JPH2: variants seen among roughly 807,000 people sequenced by gnomAD.
The protein encoded by JPH2 is junctophilin 2, also known as junctophilin-2.
Under a neutral mutation model 55.9 loss-of-function variants are expected in JPH2, and 38 were observed. The ratio of observed to expected loss-of-function variants is 0.68; its 90% CI spans 0.52 to 0.89. The LOEUF (loss-of-function observed/expected upper bound fraction) is 0.89, where lower values mean the gene tolerates loss of function less well. JPH2 is among the 40% of genes least tolerant of loss of function. The pLI, the probability that JPH2 is intolerant of heterozygous loss-of-function variation, is 0.00. For missense variants in JPH2, 964 were observed against 1,037.6 expected, an observed-to-expected ratio of 0.93 and a Z score of 0.97; for synonymous variants, 480 against 472.4, an observed-to-expected ratio of 1.02 and a Z score of -0.21.
intron 2 of JPH2, among the ~76,000 whole-genome samples, chr20:44,134,902 ATATATAT>A (rs1370814642): frequency 2.6e-3 from 199 of 76,058 alleles, no homozygotes; most frequent in Non-Finnish European, 3.8e-3. Context: ...ATATATTTAT[ATATATAT>A]ATAAAATATA....
In JPH2 at chr20:44,114,523, G is replaced by A. The variant is rs565720270; in HGVS notation, c.*14+259C>T. ...TGAATGAAGCCCTCAGTGCTCACCT[G>A]ACAGAGAGCAGGTGCTCTGCAAACA... On this transcript the variant is annotated intron_variant, in intron 5 of 5. Coordinates refer to ENST00000372980, the MANE Select transcript of JPH2 (RefSeq NM_020433.5). 3.2e-3 allele frequency among the ~76,000 whole-genome samples: 486 copies of A among 152,042 alleles called. 4 individuals are homozygous for A. Among genetic ancestry groups the A allele is most frequent in the Non-Finnish European group, 4.0e-3 (271 of 67,986 alleles).
intron 2 of JPH2, among the ~76,000 whole-genome samples, chr20:44,122,849 C>T (rs561605689): frequency 6.6e-6 from 1 of 152,200 alleles, no homozygotes; most frequent in African/African-American, 2.4e-5. Flanking sequence ...ATGTGTGAGA[C>T]AAAGTTCTAA....
chr20:44,170,207 C>T (rs1402185868), intron 1 of JPH2, among the ~76,000 whole-genome samples: 1 of 152,154 alleles, frequency 6.6e-6, no homozygotes, highest in Non-Finnish European at 1.5e-5. Flanking sequence ...CTTTCTCAGC[C>T]TTGTCTTCCC....
chr20:44,122,054 T>G (rs906019497), intron 2 of JPH2, among the ~76,000 whole-genome samples: 16 of 152,082 alleles, frequency 1.1e-4, no homozygotes, highest in Non-Finnish European at 1.5e-5. Context: ...AGAGTAAGGA[T>G]TCAAACCAAA....
At chr20:44,157,692 G>A (rs1040802148) in intron 2 of JPH2, among the ~76,000 whole-genome samples, 11 of 152,158 alleles carry the variant, frequency 7.2e-5, no homozygotes, top group East Asian at 1.9e-4. Context: ...AAGAAATGGC[G>A]GTGCCACAGA....
In JPH2 at chr20:44,160,119, C is replaced by G. The variant is rs762794427; in HGVS notation, c.668G>C (p.Arg223Pro). ...CCGCAGCTTGCCCAGCAGCGCGCCC[C>G]GCTGGAAGAGGCCGCCGCCCTTGGG... ...RAPKGGGLFQRGALLGKLRRA... is the reference protein window; with the variant it reads ...RAPKGGGLFQPGALLGKLRRA... Residue 223 changes from arginine to proline, a missense_variant, in exon 2 of 6, where the codon CGG (arginine) becomes CCG (proline). Arg to Pro is a moderately radical substitution (Grantham distance 103). Transcript: ENST00000372980. The surrounding 1 kb of genome is among the most constrained non-coding windows in gnomAD (Gnocchi z 4.9). 5.3e-6 allele frequency: 8 copies of G among 1,508,916 alleles called. No homozygotes were observed. The South Asian group carries it at 8.6e-5, about 16-fold the overall frequency. 93.5% of individuals were successfully genotyped at this position (1,508,916 alleles called of 1,614,324 possible).
intron 2 of JPH2, among the ~76,000 whole-genome samples, chr20:44,130,068 C>G (rs983205632): frequency 1.4e-4 from 2 of 14,366 alleles, no homozygotes; most frequent in Non-Finnish European, 3.1e-4. Context: ...ACTGCAGCAA[C>G]AAAACAAAAC....
chr20:44,175,760 G>A (rs969908259), intron 1 of JPH2, among the ~76,000 whole-genome samples: 2 of 152,232 alleles, frequency 1.3e-5, no homozygotes, highest in Non-Finnish European at 2.9e-5. Flanking sequence ...TGACAGCCCT[G>A]GAGCCTGTGG....
chr20:44,166,776 C>T (rs1025767666), intron 1 of JPH2, among the ~76,000 whole-genome samples: 2 of 152,156 alleles, frequency 1.3e-5, no homozygotes, highest in South Asian at 2.1e-4. Flanking sequence ...AGAGGGAGGC[C>T]GCTGCCCATG....
intron 2 of JPH2, among the ~76,000 whole-genome samples, chr20:44,136,037 T>C (rs549577224): frequency 1.8e-4 from 28 of 152,326 alleles, no homozygotes; most frequent in African/African-American, 6.7e-4. Flanking sequence ...ACCAGTACTC[T>C]GAGCATTTCA....
At chr20:44,177,092 C>A in intron 1 of JPH2, 1 of 985,496 alleles carries the variant, frequency 1.0e-6, no homozygotes, top group Non-Finnish European at 1.2e-6. Flanking sequence ...CCAGGCAACT[C>A]TCATCAGTTC....
rs1377793632 is a variant in JPH2, at chr20:44,160,158, G to T, written c.629C>A (p.Ala210Glu). 3.2e-5 allele frequency: 45 copies of T among 1,424,976 alleles called. No individual in the cohort carries two copies. Among genetic ancestry groups the T allele is most frequent in the Non-Finnish European group, 4.0e-5 (44 of 1,098,964 alleles). 88.3% of individuals were successfully genotyped at this position (1,424,976 alleles called of 1,614,324 possible). The change falls in exon 2 of 6, where the codon GCG becomes GAG. Residue 210 changes from alanine to glutamate, a missense_variant. Physicochemically the swap from Ala to Glu is moderately radical, Grantham distance 107. Coordinates refer to ENST00000372980, the MANE Select transcript of JPH2 (RefSeq NM_020433.5). This position sits in a 1 kb window ranked among gnomAD's most constrained non-coding sequence, Gnocchi z 4.9. Reference protein sequence around the residue: ...FALSLLANAEAAARAPKGGGL... With the variant: ...FALSLLANAEEAARAPKGGGL... ...GCCGCCCTTGGGCGCCCGCGCGGCC[G>T]CCTCGGCATTGGCCAGGAGGCTGAG... is the stretch of plus-strand genomic sequence containing the variant.
intron 1 of JPH2, among the ~76,000 whole-genome samples, chr20:44,171,570 A>T (rs1478984143): frequency 6.6e-6 from 1 of 150,794 alleles, no homozygotes; most frequent in South Asian, 2.1e-4. Context: ...CGTCCACCCC[A>T]CTCTCTCTCT....
Position 44,114,959 on chromosome 20 carries a change from G to A in JPH2, c.2011-83C>T. On this transcript the variant is annotated intron_variant, in intron 4 of 5. Coordinates refer to ENST00000372980, the MANE Select transcript of JPH2 (RefSeq NM_020433.5). ...CCAGGTCACAGCAAGGCTGGACAGA[G>A]CAGGAACTTCTGGATGGACCTTCCT... 3.7e-6 allele frequency: 4 copies of A among 1,074,080 alleles called. No individual in the cohort carries two copies. In the South Asian group the frequency reaches 5.3e-5, roughly 14 times the overall value. The allele number at this position is 1,074,080 out of a possible 1,614,324, so 66.5% of individuals were successfully genotyped here.
At chr20:44,177,346 A>G in intron 1 of JPH2, 1 of 987,118 alleles carries the variant, frequency 1.0e-6, no homozygotes, top group Non-Finnish European at 1.2e-6. Context: ...GCTCCGGGGA[A>G]CAGCTGCTGG....
chr20:44,164,827 C>CTTT (rs71195523), intron 1 of JPH2, among the ~76,000 whole-genome samples: 2 of 133,450 alleles, frequency 1.5e-5, no homozygotes, highest in Non-Finnish European at 3.2e-5. Flanking sequence ...TGTTCTGCAC[C>CTTT]TTTTTTTTTT....
Position 44,186,742 on chromosome 20 carries a change from C to T in JPH2, c.-37G>A, listed in dbSNP as rs1045089767. The stretch of plus-strand genomic sequence containing the variant: ...CCCTGACAACCTCCCCGTCCTCCAG[C>T]GTGGGTGCAGAGGGCGTGGGTGATG... On this transcript the variant is annotated 5_prime_UTR_variant, in exon 1 of 6. Coordinates refer to ENST00000372980, the MANE Select transcript of JPH2 (RefSeq NM_020433.5). 9 of 1,594,370 alleles carry T rather than the reference C, an allele frequency of 5.6e-6. No homozygotes were observed. The African/African-American group carries it at 9.4e-5, about 17-fold the overall frequency.
At chr20:44,128,718 G>A (rs533401014) in intron 2 of JPH2, among the ~76,000 whole-genome samples, 104 of 151,294 alleles carry the variant, frequency 6.9e-4, no homozygotes, top group Non-Finnish European at 1.1e-3. Flanking sequence ...ACAGAGTCTC[G>A]CTCTGTTGCC....
rs1321064690 is a variant in JPH2, at chr20:44,126,857, C to A, written c.1170-8234G>T. Among the ~76,000 whole-genome samples the A allele has an allele frequency of 4.6e-5, 7 of 152,216 alleles. No homozygotes were observed. The East Asian group carries it at 9.6e-4, about 21-fold the overall frequency. On this transcript the variant is annotated intron_variant, in intron 2 of 5. Transcript: ENST00000372980. ...ACAAACTCAAGCCCAATTTGTAGCA[C>A]CATCATCTAGATATCTGACCTTTGC...
Sources: allele counts gnomAD v4.1 joint callset (sites outside exome capture counted in the v4.1 genomes callset), GRCh38; gene constraint gnomAD v4.1.1; non-coding constraint Gnocchi (gnomAD v3.1); transcripts MANE v1.5; gene names NCBI Gene and HGNC (gene_info 2026-07-23, HGNC 2026-07-21).